MAP4: variants seen among roughly 807,000 people sequenced by gnomAD.
The protein encoded by MAP4 is microtubule-associated protein 4.
In MAP4, 76 loss-of-function variants were observed where a neutral mutation model predicts 170.2. The observed-to-expected ratio is 0.45, with a 90% CI of 0.37 to 0.54. MAP4 has a LOEUF of 0.54. MAP4 is among the 20% of genes least tolerant of loss of function. The probability of loss-of-function intolerance (pLI) is 0.00; values close to 1 mark genes in which losing one functional copy is unlikely to be tolerated. For synonymous variants in MAP4, 909 were observed against 994.5 expected, an observed-to-expected ratio of 0.91 and a Z score of 1.62; for missense variants, 2,506 against 2,748.0, an observed-to-expected ratio of 0.91 and a Z score of 1.97.
chr3:48,050,399 C>T (rs1162272273), intron 1 of MAP4, among the ~76,000 whole-genome samples: 1 of 151,626 alleles, frequency 6.6e-6, no homozygotes, highest in African/African-American at 2.4e-5. Context: ...TATCAACAAC[C>T]CAACAGAAAA....
At chr3:47,888,956 C>T (rs1490034178) in intron 10 of MAP4, among the ~76,000 whole-genome samples, 1 of 152,192 alleles carries the variant, frequency 6.6e-6, no homozygotes, top group South Asian at 2.1e-4. Context: ...GATATAATTA[C>T]TCACTCATTG....
intron 3 of MAP4, among the ~76,000 whole-genome samples, chr3:47,963,524 T>C (rs1397047730): frequency 1.3e-5 from 2 of 152,254 alleles, no homozygotes; most frequent in African/African-American, 2.4e-5. Flanking sequence ...TCATGACAGA[T>C]AACATATTTC....
At chr3:47,923,764 C>A (rs1358139928) in intron 4 of MAP4, among the ~76,000 whole-genome samples, 1 of 152,040 alleles carries the variant, frequency 6.6e-6, no homozygotes, top group African/African-American at 2.4e-5. Flanking sequence ...CTGTGGTGAG[C>A]CGTGGTTGTA....
At chr3:47,877,626 T>C (rs1279464658) in intron 10 of MAP4, 103 bp from the exon 11 acceptor site, 2 of 717,828 alleles carry the variant, frequency 2.8e-6, no homozygotes, top group Non-Finnish European at 4.6e-6. Flanking sequence ...TAGCACTTCA[T>C]TCTGAAAAAA....
At chr3:47,900,685 G>A (rs533834240) in intron 10 of MAP4, among the ~76,000 whole-genome samples, 15 of 152,216 alleles carry the variant, frequency 9.9e-5, no homozygotes, top group South Asian at 8.3e-4. Flanking sequence ...ACAGTGAGCC[G>A]AGATGGCGCC....
chr3:47,941,833 T>A (rs555524616), intron 3 of MAP4, among the ~76,000 whole-genome samples: 2 of 151,400 alleles, frequency 1.3e-5, no homozygotes, highest in Non-Finnish European at 2.9e-5. Context: ...TTCTTACTAA[T>A]CTCCTTCATT....
At chr3:48,076,092 T>C (rs1323092514) in intron 1 of MAP4, among the ~76,000 whole-genome samples, 2 of 149,998 alleles carry the variant, frequency 1.3e-5, no homozygotes, top group Non-Finnish European at 3.0e-5. Flanking sequence ...GCTAAAACTA[T>C]AAAATTATTT....
At chr3:48,056,840 T>TG (rs1241693290) in intron 1 of MAP4, among the ~76,000 whole-genome samples, 425 of 42,016 alleles carry the variant, frequency 0.01, 9 homozygotes, top group South Asian at 0.025. Flanking sequence ...GGGAGGGAGG[T>TG]GGGGGGGGGG....
At chr3:47,942,358 GT>G (rs953457596) in intron 3 of MAP4, among the ~76,000 whole-genome samples, 58 of 152,108 alleles carry the variant, frequency 3.8e-4, no homozygotes, top group African/African-American at 1.4e-3. Context: ...ACTACTGACA[GT>G]TTTTTTTAAA....
intron 7 of MAP4, 24 bp from the exon 8 acceptor site, chr3:47,914,963 A>C: frequency 6.2e-7 from 1 of 1,613,862 alleles, no homozygotes; most frequent in Non-Finnish European, 8.5e-7. Context: ...CAAAAGCCAC[A>C]CACGTTTCAG....
At chr3:48,084,790 G>A (rs1251065074) in intron 1 of MAP4, among the ~76,000 whole-genome samples, 1 of 131,348 alleles carries the variant, frequency 7.6e-6, no homozygotes, top group African/African-American at 3.1e-5. Flanking sequence ...AAAATTATCT[G>A]GGGACCGACT....
At chr3:48,027,379 G>C (rs2100113659) in intron 1 of MAP4, among the ~76,000 whole-genome samples, 1 of 152,060 alleles carries the variant, frequency 6.6e-6, no homozygotes, top group Non-Finnish European at 1.5e-5. Context: ...ACCAAGCCCA[G>C]AGTTCCCTCC....
chr3:47,950,368 T>C (rs979645713), intron 3 of MAP4, among the ~76,000 whole-genome samples: 2 of 152,100 alleles, frequency 1.3e-5, no homozygotes, highest in Admixed American at 6.6e-5. Flanking sequence ...GATTTAGAAA[T>C]TGGTTTGGTG....
chr3:48,022,847 C>T (rs865954115), intron 1 of MAP4, among the ~76,000 whole-genome samples: 3 of 151,946 alleles, frequency 2.0e-5, no homozygotes, highest in East Asian at 1.9e-4. Flanking sequence ...GCCAAGATTG[C>T]GCCACGGCAC....
Position 47,912,368 on chromosome 3 carries a change from G to C in MAP4, c.2053C>G (p.Pro685Ala). 1 of 1,533,306 alleles carries C rather than the reference G, an allele frequency of 6.5e-7. No homozygotes were observed. The highest frequency in any genetic ancestry group is 8.7e-7 in the Non-Finnish European group (1 of 1,145,106). 95.0% of individuals were successfully genotyped at this position (1,533,306 alleles called of 1,614,324 possible). ...GGCCGGGTTGACCTGCGGTCACTGG[G>C]TCTGCAAACTTGTTTGGCTTGTGTG... ...PPTQAKQVCR[P>A]SDRRSTRPKP... The change falls in exon 9 of 21, where the codon CCC becomes GCC. Residue 685 changes from proline to alanine, a missense_variant. Pro to Ala is a conservative substitution (Grantham distance 27). This residue lies in a region of MAP4 where 2,008 missense variants were observed against 2,206.0 expected (regional missense o/e 0.91). Transcript: ENST00000683076.
At chr3:48,020,756 C>T (rs2154478812), upstream of MAP4, among the ~76,000 whole-genome samples, 1 of 152,050 alleles carries the variant, frequency 6.6e-6, no homozygotes, top group East Asian at 1.9e-4. Flanking sequence ...TGTTCAGGGA[C>T]AGGGTTAAGC....
intron 9 of MAP4, 30 bp downstream of exon 9, chr3:47,909,008 C>T (rs1226995552): frequency 1.3e-6 from 2 of 1,589,396 alleles, no homozygotes; most frequent in South Asian, 1.2e-5. Flanking sequence ...AAGCCACAAG[C>T]ACACACATTT....
chr3:47,879,217 C>G (rs1234244109), intron 10 of MAP4, among the ~76,000 whole-genome samples: 2 of 151,004 alleles, frequency 1.3e-5, no homozygotes. Context: ...TTTATGATTA[C>G]TATGCAATGG....
chr3:48,068,913 AAGTC>A (rs1191598867), intron 1 of MAP4, among the ~76,000 whole-genome samples: 7 of 152,168 alleles, frequency 4.6e-5, no homozygotes, highest in Non-Finnish European at 8.8e-5. Context: ...TTTAATAATA[AAGTC>A]AGTGTTTTAA....
Sources: gnomAD v4.1 joint callset for allele counts (sites outside exome capture counted in the v4.1 genomes callset) on GRCh38, gnomAD v4.1.1 for gene constraint, gnomAD v4.1.1 regional missense constraint, MANE v1.5 for transcripts, NCBI Gene and HGNC (gene_info 2026-07-23, HGNC 2026-07-21) for gene names.